The following KAZN variants were observed in gnomAD, a reference collection of about 807,000 sequenced individuals.
KAZN encodes kazrin, periplakin interacting protein.
In KAZN, 40 loss-of-function variants were observed where a neutral mutation model predicts 87.4. The observed-to-expected ratio is 0.46, with a 90% confidence interval of 0.36 to 0.60. The LOEUF is 0.60. Ranked by LOEUF, KAZN falls within the 20% of genes least tolerant of loss-of-function variation. The pLI is 0.00. For missense variants in KAZN, 898 were observed against 1,073.9 expected, an observed-to-expected ratio of 0.84 and a Z score of 2.29; for synonymous variants, 466 against 458.3, an observed-to-expected ratio of 1.02 and a Z score of -0.22.
intron 1 of KAZN, among the ~76,000 whole-genome samples, chr1:14,861,216 A>G (rs1459618045): frequency 1.3e-5 from 2 of 152,184 alleles, no homozygotes; most frequent in Non-Finnish European, 2.9e-5. Flanking sequence ...TGTCTCTACT[A>G]AAAGTACAAA....
chr1:14,992,384 T>G (rs1667441939), intron 2 of KAZN, among the ~76,000 whole-genome samples: 1 of 152,114 alleles, frequency 6.6e-6, no homozygotes, highest in South Asian at 2.1e-4. Flanking sequence ...GTGAGCACCG[T>G]GCCAGCCCGG....
intron 2 of KAZN, among the ~76,000 whole-genome samples, chr1:14,237,935 G>A (rs1183216138): frequency 6.6e-6 from 1 of 152,138 alleles, no homozygotes; most frequent in Non-Finnish European, 1.5e-5. Context: ...TATAAAATCA[G>A]GTACTAAGCT....
chr1:14,038,209 C>T (rs1042733522), intron 1 of KAZN, among the ~76,000 whole-genome samples: 4 of 152,042 alleles, frequency 2.6e-5, no homozygotes, highest in African/African-American at 9.7e-5. Flanking sequence ...TTAGAAGGTA[C>T]TAAAGGATAT....
chr1:14,052,183 G>A (rs1642368506), intron 1 of KAZN, among the ~76,000 whole-genome samples: 1 of 152,178 alleles, frequency 6.6e-6, no homozygotes, highest in African/African-American at 2.4e-5. Context: ...CAGCCAGAGA[G>A]CTGAGTCCCC....
intron 2 of KAZN, among the ~76,000 whole-genome samples, chr1:14,513,753 A>G (rs1294966846): frequency 6.6e-6 from 1 of 152,160 alleles, no homozygotes; most frequent in East Asian, 1.9e-4. Context: ...ATGGAGGGTA[A>G]TTACATAATA....
chr1:14,505,197 C>T lies in KAZN; in HGVS notation c.250-93786C>T, dbSNP rs370537047. Among the ~76,000 whole-genome samples the T allele has an allele frequency of 4.1e-4, 63 of 152,326 alleles. No individual in the cohort carries two copies. The South Asian group carries it at 0.012, about 30-fold the overall frequency. On this transcript the variant is annotated intron_variant, in intron 2 of 16. Transcript: ENST00000636203. ...CTGATGGGCATCTCTTGGTCCCATT[C>T]TAAACTCCCAGAGAAAAGGCTCATG...
intron 1 of KAZN, among the ~76,000 whole-genome samples, chr1:14,842,316 C>T (rs1249172064): frequency 6.6e-6 from 1 of 152,126 alleles, no homozygotes; most frequent in African/African-American, 2.4e-5. Context: ...CTGGTGGATC[C>T]ATATCTGTGG....
intron 2 of KAZN, among the ~76,000 whole-genome samples, chr1:15,031,502 GGA>G (rs1387417127): frequency 6.6e-6 from 1 of 152,190 alleles, no homozygotes; most frequent in African/African-American, 2.4e-5. Context: ...CTGTGGGGAA[GGA>G]GAGTCTGGAG....
chr1:14,508,399 G>A (rs541566877), intron 2 of KAZN, among the ~76,000 whole-genome samples: 1 of 152,162 alleles, frequency 6.6e-6, no homozygotes, highest in East Asian at 1.9e-4. Flanking sequence ...CAGATTCTAC[G>A]GATCTTCTTA....
intron 1 of KAZN, among the ~76,000 whole-genome samples, chr1:14,006,719 T>C (rs923866755): frequency 1.3e-5 from 2 of 152,234 alleles, no homozygotes; most frequent in Admixed American, 1.3e-4. Context: ...AGTACCATCC[T>C]GTTTTGATTA....
intron 8 of KAZN, among the ~76,000 whole-genome samples, chr1:15,091,478 G>C (rs1447276017): frequency 6.6e-6 from 1 of 152,190 alleles, no homozygotes; most frequent in African/African-American, 2.4e-5. Flanking sequence ...TGGAGTAGCT[G>C]GGACTACAGG....
intron 1 of KAZN, among the ~76,000 whole-genome samples, chr1:13,967,128 C>A (rs1641974834): frequency 1.3e-5 from 2 of 152,006 alleles, no homozygotes; most frequent in Non-Finnish European, 2.9e-5. Context: ...TTTTTCAAAG[C>A]TTTTTATTTT....
At chr1:14,565,092 G>C (rs545928107) in intron 2 of KAZN, among the ~76,000 whole-genome samples, 56 of 152,228 alleles carry the variant, frequency 3.7e-4, no homozygotes, top group African/African-American at 1.3e-3. Context: ...CCACCTCCTA[G>C]CTTGATAAAT....
intron 2 of KAZN, among the ~76,000 whole-genome samples, chr1:14,456,590 T>C (rs1031936923): frequency 1.3e-5 from 2 of 152,238 alleles, no homozygotes; most frequent in African/African-American, 4.8e-5. Context: ...TCCACATTGC[T>C]ATGCGGCCTC....
chr1:14,216,926 A>G (rs1211657517), intron 2 of KAZN, among the ~76,000 whole-genome samples: 2 of 152,148 alleles, frequency 1.3e-5, no homozygotes, highest in African/African-American at 2.4e-5. Flanking sequence ...AAAGTTTAAA[A>G]GAGCAAATTT....
In KAZN at chr1:14,357,243, G is replaced by A. The variant is rs191113020; in HGVS notation, c.249+176651G>A. ...CTGTTTGTCTGTTATTGGTGTATAG[G>A]AATGCTTGTGATTTTTGCATATTGA... On this transcript the variant is annotated intron_variant, in intron 2 of 16. Coordinates refer to the KAZN transcript ENST00000636203. Among the ~76,000 whole-genome samples the A allele has an allele frequency of 5.9e-3, 901 of 152,222 alleles. 8 individuals are homozygous for A. Among genetic ancestry groups the A allele is most frequent in the African/African-American group, 0.02 (841 of 41,528 alleles).
chr1:14,924,133 C>G (rs1047829736), intron 1 of KAZN: 2 of 982,438 alleles, frequency 2.0e-6, no homozygotes, highest in African/African-American at 1.8e-5. Context: ...GACTGAGAGC[C>G]GTTCCCACGT....
chr1:14,798,383 G>A lies in KAZN; in HGVS notation c.227-162301G>A, dbSNP rs564892567. Among the ~76,000 whole-genome samples the A allele has an allele frequency of 7.3e-5, 11 of 151,022 alleles. No individual in the cohort carries two copies. In the East Asian group the frequency reaches 2.2e-3, roughly 30 times the overall value. ...CACAAAGAAATCAATAGCCCTCGGA[G>A]GTGATCTTTGCTTTCTTTTTTCTGT... On this transcript the variant is annotated intron_variant, in intron 1 of 14. Coordinates refer to ENST00000376030, the MANE Select transcript of KAZN (RefSeq NM_201628.3).
In KAZN at chr1:14,598,841, G is replaced by A; in HGVS notation, c.-157G>A. On this transcript the variant is annotated 5_prime_UTR_variant, in exon 1 of 15. Coordinates refer to ENST00000376030, the MANE Select transcript of KAZN (RefSeq NM_201628.3). This position sits in a 1 kb window ranked among gnomAD's most constrained non-coding sequence, Gnocchi z 4.2. ...GAGGCGCCGCTGTCATTCCTGTGCCGGAGGAACCGGCGCTGCCGGTGCCTG... is the reference window on the plus strand; with the variant it reads ...GAGGCGCCGCTGTCATTCCTGTGCCAGAGGAACCGGCGCTGCCGGTGCCTG... 1 of 1,404,814 alleles carries A rather than the reference G, an allele frequency of 7.1e-7. No individual in the cohort carries two copies. Among genetic ancestry groups the A allele is most frequent in the African/African-American group, 1.5e-5 (1 of 65,300 alleles). 87.0% of individuals were successfully genotyped at this position (1,404,814 alleles called of 1,614,324 possible).
Sources: gnomAD v4.1 joint callset for allele counts (sites outside exome capture counted in the v4.1 genomes callset) on GRCh38, gnomAD v4.1.1 for gene constraint, Gnocchi (gnomAD v3.1) non-coding constraint, MANE v1.5 for transcripts, NCBI Gene and HGNC (gene_info 2026-07-23, HGNC 2026-07-21) for gene names.